Variants in RALGDS observed in about 807,000 individuals in gnomAD.
RALGDS encodes the protein ral guanine nucleotide dissociation stimulator, also known as ral guanine nucleotide exchange factor.
Under a neutral mutation model 99.8 loss-of-function variants are expected in RALGDS, and 44 were observed. The ratio of observed to expected loss-of-function variants is 0.44; its 90% CI spans 0.35 to 0.57. The LOEUF (loss-of-function observed/expected upper bound fraction) is 0.57, where lower values mean the gene tolerates loss of function less well. Among genes scored for constraint, RALGDS ranks in the 20% least tolerant of loss-of-function variants. RALGDS has a pLI of 0.01. For missense variants in RALGDS, 1,022 were observed against 1,203.1 expected (o/e 0.85, Z 2.23); for synonymous variants, 529 against 505.0 (o/e 1.05, Z -0.64).
chr9:133,130,015 C>G (rs1489147708), intron 1 of RALGDS, among the ~76,000 whole-genome samples: 4 of 152,048 alleles, frequency 2.6e-5, no homozygotes, highest in Non-Finnish European at 5.9e-5. Context: ...CTCTGTCACC[C>G]AGGCTGGAGT....
upstream of RALGDS, among the ~76,000 whole-genome samples, chr9:133,123,899 CAG>C (rs1170374368): frequency 2.9e-3 from 220 of 77,056 alleles, 15 homozygotes; most frequent in African/African-American, 8.1e-3. Flanking sequence ...CACATAGAGA[CAG>C]AGACACAGAC....
Position 133,112,042 on chromosome 9 carries a change from C to A in RALGDS, c.294G>T (p.Gly98=). ...HGGNKGQRWL[G]YENESALNLY... is the part of the protein sequence containing the mutation. ...CAGTGGAGACCCCGAGCGCACTCAC[C>A]CCGAGCCAGCGCTGCCCCTTGTTGC... Residue 98 remains glycine, a splice_region_variant and synonymous_variant, in exon 2 of 18, where the codon GGG becomes GGT. Transcript: ENST00000372050. 1 of 1,570,066 alleles carries A rather than the reference C, an allele frequency of 6.4e-7. No individual in the cohort carries two copies. The highest frequency in any genetic ancestry group is 2.4e-5 in the East Asian group (1 of 42,258).
At chr9:133,127,932 T>C (rs1370002491) in intron 1 of RALGDS, among the ~76,000 whole-genome samples, 1 of 152,198 alleles carries the variant, frequency 6.6e-6, no homozygotes, top group Admixed American at 6.5e-5. Context: ...CAAACGGCCC[T>C]GGACGGGGAT....
At chr9:133,134,808 C>T (rs559898932), upstream of RALGDS, among the ~76,000 whole-genome samples, 4 of 152,294 alleles carry the variant, frequency 2.6e-5, no homozygotes, top group East Asian at 3.9e-4. Flanking sequence ...CATGCCAATG[C>T]GGGTATCATT....
chr9:133,099,722 T>G, intron 17 of RALGDS: 1 of 171,964 alleles, frequency 5.8e-6, no homozygotes, highest in Non-Finnish European at 1.3e-5. Flanking sequence ...TCATTTCCAT[T>G]TGGGGGATGA....
intron 17 of RALGDS, chr9:133,099,244 A>C: frequency 5.9e-6 from 1 of 170,458 alleles, no homozygotes; most frequent in Non-Finnish European, 1.3e-5. Flanking sequence ...ATTTCCCACC[A>C]TCTCCTCTGG....
At chr9:133,148,071 G>A (rs1832655363) in intron 1 of RALGDS, among the ~76,000 whole-genome samples, 1 of 152,112 alleles carries the variant, frequency 6.6e-6, no homozygotes, top group Non-Finnish European at 1.5e-5. Context: ...GGCTTCTCTT[G>A]CTCAGAAGAA....
chr9:133,107,000 G>C (rs554786738), intron 7 of RALGDS, 85 bp downstream of exon 7: 2 of 1,450,978 alleles, frequency 1.4e-6, no homozygotes, highest in African/African-American at 1.4e-5. Flanking sequence ...GGTAGACTGG[G>C]GCCTGTACAG....
At chr9:133,143,285 G>A (rs111661280) in intron 1 of RALGDS, among the ~76,000 whole-genome samples, 1 of 152,342 alleles carries the variant, frequency 6.6e-6, no homozygotes, top group Non-Finnish European at 1.5e-5. Flanking sequence ...AGAAGCCAGG[G>A]TGCTTCCCAC....
At position 133,102,805 on chromosome 9, in the gene RALGDS, G is replaced by C. The variant is rs139064238; in HGVS notation, c.1887C>G (p.Ala629=). 4.3e-6 allele frequency: 7 copies of C among 1,612,964 alleles called. No homozygotes were observed. Among genetic ancestry groups the C allele is most frequent in the Non-Finnish European group, 5.9e-6 (7 of 1,179,950 alleles). Residue 629 remains alanine (A), a synonymous_variant, in exon 13 of 18, where the codon GCC becomes GCG. Transcript: ENST00000372050. ...TCTCAGTCTCGCTGAGCCGCTCCAC[G>C]GCCCGGAACCAGGCCCCAAATTGCT... is the stretch of plus-strand genomic sequence containing the variant. ...PDEQFGAWFR[A]VERLSETESY...
At chr9:133,120,296 A>T (rs1831852035) in intron 1 of RALGDS, among the ~76,000 whole-genome samples, 1 of 152,066 alleles carries the variant, frequency 6.6e-6, no homozygotes, top group African/African-American at 2.4e-5. Flanking sequence ...TTACCGATTC[A>T]GGGTGTTGGC....
At position 133,113,008 on chromosome 9, in the gene RALGDS, G is replaced by T. The variant is rs552444019; in HGVS notation, c.184-856C>A. 4.8e-4 allele frequency among the ~76,000 whole-genome samples: 73 copies of T among 152,322 alleles called. No individual in the cohort carries two copies. In the South Asian group the frequency reaches 0.014, roughly 30 times the overall value. ...CCCCAGGCAGTAAGGAAAGGCCGTT[G>T]TCTTAGGAGACAGACTTCCCCCACC... is the stretch of plus-strand genomic sequence containing the variant. On this transcript the variant is annotated intron_variant, in intron 1 of 17. Transcript: ENST00000372050.
At chr9:133,107,902 C>T in intron 6 of RALGDS, 86 bp downstream of exon 6, 1 of 1,522,324 alleles carries the variant, frequency 6.6e-7, no homozygotes, top group Non-Finnish European at 9.0e-7. Context: ...AGAACATCAG[C>T]TCTGGATCAG....
At chr9:133,119,965 G>A (rs904577831) in intron 1 of RALGDS, among the ~76,000 whole-genome samples, 2 of 152,172 alleles carry the variant, frequency 1.3e-5, no homozygotes, top group Non-Finnish European at 2.9e-5. Context: ...GACTGGAGAC[G>A]CAGCAAGGCA....
chr9:133,114,188 A>G (rs1831483633), intron 1 of RALGDS, among the ~76,000 whole-genome samples: 1 of 152,138 alleles, frequency 6.6e-6, no homozygotes, highest in African/African-American at 2.4e-5. Flanking sequence ...TGCAGGCCCA[A>G]CACTGAGAGC....
At position 133,102,545 on chromosome 9, in the gene RALGDS, G is replaced by A. The variant is rs1211121025; in HGVS notation, c.1940C>T (p.Pro647Leu). The A allele has an allele frequency of 1.2e-6, 2 of 1,614,112 alleles. No individual in the cohort carries two copies. The highest frequency in any genetic ancestry group is 1.1e-5 in the South Asian group (1 of 91,086). ...ESYNLSCELEPPSESASNTLR... is the reference protein window; with the variant it reads ...ESYNLSCELELPSESASNTLR... ...GGTGTTGCTGGCTGACTCGGATGGG[G>A]GCTCCAGCTCGCACGACAGGTTGTA... Residue 647 changes from proline (P) to leucine (L), a missense_variant, in exon 14 of 18, where the codon CCC becomes CTC. Coordinates refer to ENST00000372050, the MANE Select transcript of RALGDS (RefSeq NM_006266.4).
At chr9:133,099,897 A>T (rs1208159441) in intron 17 of RALGDS, 1 of 314,498 alleles carries the variant, frequency 3.2e-6, no homozygotes, top group African/African-American at 2.1e-5. Context: ...ATGGATTTTA[A>T]CACTTGACAC....
upstream of RALGDS, chr9:133,121,345 T>A: frequency 5.9e-6 from 3 of 512,052 alleles, no homozygotes; most frequent in Non-Finnish European, 7.5e-6. Context: ...GAGGGACGCG[T>A]GCGTGCGCGC....
In RALGDS at chr9:133,112,028, C is replaced by T. The variant is rs1297431301; in HGVS notation, c.294+14G>A. 2.2e-5 allele frequency: 34 copies of T among 1,554,604 alleles called. No homozygotes were observed. Among genetic ancestry groups the T allele is most frequent in the African/African-American group, 5.5e-5 (4 of 73,126 alleles). ...CCAGCTGCGTCTCCCAGTGGAGACC[C>T]CGAGCGCACTCACCCCGAGCCAGCG... On this transcript the variant is annotated intron_variant, in intron 2 of 17. Coordinates refer to ENST00000372050, the MANE Select transcript of RALGDS (RefSeq NM_006266.4).
Sources: gnomAD v4.1 joint callset for allele counts (sites outside exome capture counted in the v4.1 genomes callset) on GRCh38, gnomAD v4.1.1 for gene constraint, MANE v1.5 for transcripts, NCBI Gene and HGNC (gene_info 2026-07-23, HGNC 2026-07-21) for gene names.